The following PLEKHG3 variants were observed in gnomAD, a reference collection of about 807,000 sequenced individuals.
PLEKHG3 encodes pleckstrin homology and RhoGEF domain containing G3.
In PLEKHG3, 62 loss-of-function variants were observed where a neutral mutation model predicts 94.9. The ratio of observed to expected loss-of-function variants is 0.65; its 90% CI spans 0.53 to 0.81. PLEKHG3 has a LOEUF of 0.81. PLEKHG3 is among the 30% of genes least tolerant of loss of function. The pLI, the probability that PLEKHG3 is intolerant of heterozygous loss-of-function variation, is 0.00. For missense variants in PLEKHG3, 1,461 were observed against 1,619.3 expected, an observed-to-expected ratio of 0.90 and a Z score of 1.68; for synonymous variants, 614 against 654.0, an observed-to-expected ratio of 0.94 and a Z score of 0.93.
Position 64,743,213 on chromosome 14 carries a change from A to C in PLEKHG3, c.3170A>C (p.Tyr1057Ser). 6 of 1,609,494 alleles carry C rather than the reference A, an allele frequency of 3.7e-6. No homozygotes were observed. Among genetic ancestry groups the C allele is most frequent in the Non-Finnish European group, 5.1e-6 (6 of 1,179,748 alleles). The change falls in exon 17 of 17, where the codon TAT becomes TCT. Residue 1057 changes from tyrosine to serine, a missense_variant. Coordinates refer to ENST00000247226, the MANE Select transcript of PLEKHG3 (RefSeq NM_001308147.2). The surrounding 1 kb of genome is among the most constrained non-coding windows in gnomAD (Gnocchi z 7.2). ...WPDVRELCSKYASRDEARRAG... is the reference protein window; with the variant it reads ...WPDVRELCSKSASRDEARRAG... ...GACGTCCGTGAGCTCTGCTCCAAGT[A>C]TGCCTCCCGCGATGAGGCACGCCGA...
Position 64,749,395 on chromosome 14 carries a change from G to C in PLEKHG3, c.*5692G>C. ...GGGCCGGAGAGGGAAGGCAGGGGCA[G>C]GCTCTGCGCCTTGACGCGGATGCTC... On this transcript the variant is annotated 3_prime_UTR_variant, in exon 17 of 17. Coordinates refer to ENST00000247226, the MANE Select transcript of PLEKHG3 (RefSeq NM_001308147.2). This position sits in a 1 kb window ranked among gnomAD's most constrained non-coding sequence, Gnocchi z 4.7. 6.2e-7 allele frequency: 1 copy of C among 1,609,542 alleles called. No individual in the cohort carries two copies. Among genetic ancestry groups the C allele is most frequent in the East Asian group, 2.2e-5 (1 of 44,876 alleles).
chr14:64,741,680 G>T lies in PLEKHG3; in HGVS notation c.2163G>T (p.Lys721Asn). ...TRDRLLLDKI[K>N]SYYENAEHHD... ...ACCGGCTGTTGCTAGACAAGATTAA[G>T]AGCTATTATGAAAATGCAGAACACC... The change falls in exon 16 of 17, where the codon AAG becomes AAT. Residue 721 changes from lysine (K) to asparagine (N), a missense_variant. Coordinates refer to ENST00000247226, the MANE Select transcript of PLEKHG3 (RefSeq NM_001308147.2). The T allele has an allele frequency of 6.2e-7, 1 of 1,613,030 alleles. No homozygotes were observed.
chr14:64,722,768 C>G lies in PLEKHG3; in HGVS notation c.-39-4825C>G, dbSNP rs1048959433. 1.3e-5 allele frequency among the ~76,000 whole-genome samples: 2 copies of G among 152,202 alleles called. No homozygotes were observed. The highest frequency in any genetic ancestry group is 2.9e-5 in the Non-Finnish European group (2 of 68,038). On this transcript the variant is annotated intron_variant, in intron 1 of 16. Transcript: ENST00000247226. This position sits in a 1 kb window ranked among gnomAD's most constrained non-coding sequence, Gnocchi z 4.3. ...ACCAGAGGGTTCACCCCCAAGTGTC[C>G]TCTTCCCCTCTCCTGCCTTGTCCTC...
Position 64,717,072 on chromosome 14 carries a change from C to T in PLEKHG3, c.-39-10521C>T, listed in dbSNP as rs1474262295. 6.6e-6 allele frequency among the ~76,000 whole-genome samples: 1 copy of T among 151,618 alleles called. No individual in the cohort carries two copies. The highest frequency in any genetic ancestry group is 2.4e-5 in the African/African-American group (1 of 41,192). On this transcript the variant is annotated intron_variant, in intron 1 of 16. Coordinates refer to ENST00000247226, the MANE Select transcript of PLEKHG3 (RefSeq NM_001308147.2). The surrounding 1 kb of genome is among the most constrained non-coding windows in gnomAD (Gnocchi z 4.7). ...TGTAGGATAGGGGAAGTGTGTGTGGCCCTGCTGGCTGAAGGGCTGGCCGCC... is the reference window on the plus strand; with the variant it reads ...TGTAGGATAGGGGAAGTGTGTGTGGTCCTGCTGGCTGAAGGGCTGGCCGCC...
rs1159598757 is a variant in PLEKHG3 at position 64,749,437 on chromosome 14, C to T, written c.*5734C>T. The T allele has an allele frequency of 6.2e-7, 1 of 1,603,336 alleles. No individual in the cohort carries two copies. The highest frequency in any genetic ancestry group is 2.2e-5 in the East Asian group (1 of 44,836). On this transcript the variant is annotated 3_prime_UTR_variant, in exon 17 of 17. Transcript: ENST00000247226. This position sits in a 1 kb window ranked among gnomAD's most constrained non-coding sequence, Gnocchi z 4.7. The stretch of plus-strand genomic sequence containing the variant: ...CGGATGCTCTGGGACTCGTTGATGG[C>T]GGTGCTCACGCCCTGCAGCCAGGAC...
chr14:64,712,955 G>A (rs1264145019), intron 1 of PLEKHG3, among the ~76,000 whole-genome samples: 1 of 152,192 alleles, frequency 6.6e-6, no homozygotes. Flanking sequence ...TGGATGTTCT[G>A]TGTAAGGTTG....
chr14:64,708,837 C>A (rs113331397), intron 1 of PLEKHG3, among the ~76,000 whole-genome samples: 4 of 126,064 alleles, frequency 3.2e-5, no homozygotes, highest in Middle Eastern at 8.3e-3. Flanking sequence ...CCAAGTATGT[C>A]GCTGCACACT....
intron 3 of PLEKHG3, 38 bp downstream of exon 3, chr14:64,729,131 G>T: frequency 2.1e-6 from 2 of 964,114 alleles, no homozygotes; most frequent in Non-Finnish European, 3.2e-6. Flanking sequence ...TGTTCTGCCT[G>T]CGAGGCCCAC....
Position 64,743,648 on chromosome 14 carries a change from A to T in PLEKHG3, c.3605A>T (p.Gln1202Leu). 1 of 1,608,948 alleles carries T rather than the reference A, an allele frequency of 6.2e-7. No individual in the cohort carries two copies. Residue 1202 changes from glutamine (Q) to leucine (L), a missense_variant, in exon 17 of 17, where the codon CAG (glutamine) becomes CTG (leucine). Physicochemically the swap from Gln to Leu is moderately radical, Grantham distance 113. This residue lies in a region of PLEKHG3 where 1,201 missense variants were observed against 1,295.5 expected (regional missense o/e 0.93). Transcript: ENST00000247226. This position sits in a 1 kb window ranked among gnomAD's most constrained non-coding sequence, Gnocchi z 7.2. ...GSRDPADPSQ[Q>L]GRVRNLREKF... is the part of the protein sequence containing the mutation. ...AGGGACCCGGCAGACCCGAGCCAGC[A>T]GGGCAGAGTGAGAAACCTTAGAGAG...
rs540348375 is a variant in PLEKHG3 at position 64,714,898 on chromosome 14, TG to T, written c.-40+10200del. Among the ~76,000 whole-genome samples the T allele has an allele frequency of 6.6e-4, 100 of 151,692 alleles. 2 individuals are homozygous for T. In the South Asian group the frequency reaches 0.02, roughly 30 times the overall value. The stretch of plus-strand genomic sequence containing the variant: ...GTAGGGATTTGAGTGCCAGAGGACC[TG>T]GGGGGAAAAAAGCACAAAACACTGG... On this transcript the variant is annotated intron_variant, in intron 1 of 16. Coordinates refer to ENST00000247226, the MANE Select transcript of PLEKHG3 (RefSeq NM_001308147.2).
At position 64,726,095 on chromosome 14, in the gene PLEKHG3, A is replaced by T. The variant is rs1330405208; in HGVS notation, c.-39-1498A>T. On this transcript the variant is annotated intron_variant, in intron 1 of 16. Transcript: ENST00000247226. The surrounding 1 kb of genome is among the most constrained non-coding windows in gnomAD (Gnocchi z 5.1). ...GGGCGATGTCTAATTGGAGACCTAAAGATTGGATGTAAATTACATAGGTTG... is the reference window on the plus strand; with the variant it reads ...GGGCGATGTCTAATTGGAGACCTAATGATTGGATGTAAATTACATAGGTTG... 6.6e-6 allele frequency among the ~76,000 whole-genome samples: 1 copy of T among 152,060 alleles called. No homozygotes were observed. Among genetic ancestry groups the T allele is most frequent in the East Asian group, 1.9e-4 (1 of 5,184 alleles).
chr14:64,733,138 T>TTTTTC (rs146131753), intron 12 of PLEKHG3, among the ~76,000 whole-genome samples: 4,096 of 150,470 alleles, frequency 0.027, 208 homozygotes, highest in African/African-American at 0.097. Context: ...TTTTCTTACT[T>TTTTTC]TTTTCTTTTC....
intron 1 of PLEKHG3, among the ~76,000 whole-genome samples, chr14:64,705,380 C>T (rs1025905921): frequency 1.3e-5 from 2 of 152,222 alleles, no homozygotes; most frequent in Non-Finnish European, 2.9e-5. Flanking sequence ...TTTGACTCTT[C>T]GGGGCGCCTT....
At chr14:64,714,637 G>A (rs1014593961) in intron 1 of PLEKHG3, among the ~76,000 whole-genome samples, 3 of 152,198 alleles carry the variant, frequency 2.0e-5, no homozygotes, top group Non-Finnish European at 2.9e-5. Flanking sequence ...GTGAATTTGA[G>A]TAGTCTTCTT....
Position 64,732,405 on chromosome 14 carries a change from GGT to G in PLEKHG3, c.1213-17_1213-16del. 6.2e-7 allele frequency: 1 copy of G among 1,607,234 alleles called. No individual in the cohort carries two copies. The highest frequency in any genetic ancestry group is 1.3e-5 in the African/African-American group (1 of 74,920). On this transcript the variant is annotated intron_variant, in intron 10 of 16. Transcript: ENST00000247226. The surrounding 1 kb of genome is among the most constrained non-coding windows in gnomAD (Gnocchi z 4.9). ...CCGGCACATGGTAAGGTAATAACCAGGTGTGTTTCCTTCCCCTTCAGGCCAAG... is the reference window on the plus strand; with the variant it reads ...CCGGCACATGGTAAGGTAATAACCAGGTGTTTCCTTCCCCTTCAGGCCAAG...
At chr14:64,706,130 G>A (rs1450218437) in intron 1 of PLEKHG3, among the ~76,000 whole-genome samples, 1 of 152,212 alleles carries the variant, frequency 6.6e-6, no homozygotes, top group African/African-American at 2.4e-5. Context: ...GGCATGGCAG[G>A]GGAAGTGGAA....
At position 64,739,881 on chromosome 14, in the gene PLEKHG3, A is replaced by G. The variant is rs567530200; in HGVS notation, c.1518+1026A>G. 7.2e-5 allele frequency among the ~76,000 whole-genome samples: 11 copies of G among 152,372 alleles called. No individual in the cohort carries two copies. The highest frequency in any genetic ancestry group is 1.3e-4 in the Non-Finnish European group (9 of 68,032). ...CCCATCACACTGGGTGTTAGCCTCC[A>G]CATGGCAATTTTAGAGATACACAGA... On this transcript the variant is annotated intron_variant, in intron 15 of 16. Coordinates refer to ENST00000247226, the MANE Select transcript of PLEKHG3 (RefSeq NM_001308147.2). The surrounding 1 kb of genome is among the most constrained non-coding windows in gnomAD (Gnocchi z 4.1).
intron 3 of PLEKHG3, among the ~76,000 whole-genome samples, chr14:64,729,451 C>T (rs1273830797): frequency 6.6e-6 from 1 of 152,210 alleles, no homozygotes; most frequent in Non-Finnish European, 1.5e-5. Context: ...TTCTTATCCT[C>T]CTTTCCACTG....
chr14:64,705,637 C>T (rs564731308), intron 1 of PLEKHG3, among the ~76,000 whole-genome samples: 2 of 152,318 alleles, frequency 1.3e-5, no homozygotes, highest in East Asian at 3.9e-4. Flanking sequence ...TGCCTCTGCA[C>T]GCAGCCCAGT....
Sources: gnomAD v4.1 joint callset for allele counts (sites outside exome capture counted in the v4.1 genomes callset) on GRCh38, gnomAD v4.1.1 for gene constraint, gnomAD v4.1.1 regional missense constraint, Gnocchi (gnomAD v3.1) non-coding constraint, MANE v1.5 for transcripts, NCBI Gene and HGNC (gene_info 2026-07-23, HGNC 2026-07-21) for gene names.